The following SPMIP8 variants were observed in gnomAD, a reference collection of about 807,000 sequenced individuals.
SPMIP8 encodes testicular tissue protein Li 196.
At chr16:57,981,433 T>C in the SPMIP8 span, among the ~76,000 whole-genome samples, 1 of 143,570 alleles carries the variant, frequency 7.0e-6, no homozygotes, top group African/African-American at 2.6e-5. Context: ...ATTATTATTA[T>C]AATTTGGTAT....
At chr16:57,985,858 G>A in the SPMIP8 span, 1 of 1,578,116 alleles carries the variant, frequency 6.3e-7, no homozygotes, top group South Asian at 1.2e-5. Context: ...GAGGCGCCCA[G>A]AGAGGGTCGC....
the SPMIP8 span, among the ~76,000 whole-genome samples, chr16:57,980,527 G>T: frequency 6.6e-6 from 1 of 152,172 alleles, no homozygotes; most frequent in African/African-American, 2.4e-5. Flanking sequence ...TGCAATCAAA[G>T]GCATAGCTGT....
chr16:57,977,958 AC>A, the SPMIP8 span: 1 of 1,614,028 alleles, frequency 6.2e-7, no homozygotes, highest in Admixed American at 1.7e-5. Flanking sequence ...AGCCCTGCCC[AC>A]CCTGCGCCAC....
At chr16:57,985,790 C>A in the SPMIP8 span, 2 of 1,349,802 alleles carry the variant, frequency 1.5e-6, no homozygotes, top group South Asian at 1.5e-5. Flanking sequence ...TGGGTGAAGG[C>A]GCCCTGGAAC....
At chr16:57,985,376 C>G in the SPMIP8 span, 3 of 1,597,728 alleles carry the variant, frequency 1.9e-6, no homozygotes, top group South Asian at 2.2e-5. Flanking sequence ...CAGGGCCTCC[C>G]AGTCTTCAGG....
chr16:57,977,855 C>T, the SPMIP8 span: 1 of 1,614,128 alleles, frequency 6.2e-7, no homozygotes, highest in South Asian at 1.1e-5. Context: ...GGGACGATGG[C>T]TCCACACATG....
chr16:57,977,847 G>C, the SPMIP8 span: 1 of 1,613,988 alleles, frequency 6.2e-7, no homozygotes, highest in Non-Finnish European at 8.5e-7. Flanking sequence ...GGTGCCCTGG[G>C]ACGATGGCTC....
At chr16:57,979,991 G>C in the SPMIP8 span, among the ~76,000 whole-genome samples, 3 of 152,200 alleles carry the variant, frequency 2.0e-5, no homozygotes. Context: ...CTGAACCCGG[G>C]AGGCGGAGGT....
chr16:57,981,504 T>C, the SPMIP8 span, among the ~76,000 whole-genome samples: 32 of 13,190 alleles, frequency 2.4e-3, no homozygotes, highest in African/African-American at 5.2e-3. Context: ...TCTTTCTCTT[T>C]TTTTTTTTTT....
the SPMIP8 span, chr16:57,984,782 G>A: frequency 6.2e-7 from 1 of 1,609,010 alleles, no homozygotes; most frequent in Non-Finnish European, 8.5e-7. Context: ...CGGCCGGGGA[G>A]TTCAAGCTGC....
the SPMIP8 span, chr16:57,984,273 A>G: frequency 5.1e-6 from 8 of 1,581,316 alleles, no homozygotes; most frequent in Non-Finnish European, 7.0e-6. Context: ...TGAAGGAGAC[A>G]CCTCTTCTCC....
chr16:57,977,876 C>T, the SPMIP8 span: 2 of 1,614,164 alleles, frequency 1.2e-6, no homozygotes, highest in Non-Finnish European at 1.7e-6. Flanking sequence ...TGTATGCCTC[C>T]CCGGCCATCC....
At chr16:57,976,631 AT>A in the SPMIP8 span, 2 of 1,613,690 alleles carry the variant, frequency 1.2e-6, no homozygotes, top group Non-Finnish European at 1.7e-6. Flanking sequence ...GGTAGCTGCT[AT>A]TGGTGAGTCA....
chr16:57,978,139 C>T, the SPMIP8 span: 3 of 1,357,854 alleles, frequency 2.2e-6, no homozygotes, highest in African/African-American at 1.4e-5. Context: ...CCCAGCTCTG[C>T]TGCTCCCTGC....
chr16:57,985,771 C>T, the SPMIP8 span: 10 of 1,227,584 alleles, frequency 8.1e-6, no homozygotes, highest in Non-Finnish European at 1.1e-5. Context: ...GGAGTGGAGG[C>T]GTTCGCATTG....
the SPMIP8 span, chr16:57,977,677 A>C: frequency 1.1e-6 from 1 of 924,594 alleles, no homozygotes; most frequent in East Asian, 2.4e-5. Flanking sequence ...CTCCAGAAAA[A>C]TGGCCTGGCA....
At chr16:57,984,955 T>C in the SPMIP8 span, 1 of 1,236,766 alleles carries the variant, frequency 8.1e-7, no homozygotes, top group Non-Finnish European at 1.1e-6. Context: ...GCACTTGCGG[T>C]GGGTGGAGCC....
At chr16:57,985,900 C>G in the SPMIP8 span, 1 of 1,611,694 alleles carries the variant, frequency 6.2e-7, no homozygotes. Flanking sequence ...CCGCCCCGTT[C>G]TTTCCCAGGA....
the SPMIP8 span, among the ~76,000 whole-genome samples, chr16:57,978,228 T>C: frequency 1.3e-5 from 2 of 152,180 alleles, no homozygotes; most frequent in South Asian, 4.1e-4. Flanking sequence ...TACCTCAAAG[T>C]GTTGTTGTGG....
Sources: allele counts gnomAD v4.1 joint callset (sites outside exome capture counted in the v4.1 genomes callset), GRCh38; gene constraint gnomAD v4.1.1; transcripts MANE v1.5; gene names NCBI Gene and HGNC (gene_info 2026-07-23, HGNC 2026-07-21).